ZMAT4: variants seen among roughly 807,000 people sequenced by gnomAD.
ZMAT4 encodes the protein zinc finger matrin-type 4.
ZMAT4 carries 17 observed loss-of-function variants against 28.7 expected under a neutral mutation model. The observed-to-expected ratio is 0.59, with a 90% confidence interval of 0.41 to 0.89. ZMAT4 has a LOEUF of 0.89. ZMAT4 is among the 40% of genes least tolerant of loss of function. The probability of loss-of-function intolerance (pLI) is 0.00; values close to 1 mark genes in which losing one functional copy is unlikely to be tolerated. For synonymous variants in ZMAT4, 117 were observed against 109.2 expected (o/e 1.07, Z -0.44); for missense variants, 240 against 283.8 (o/e 0.85, Z 1.11).
At chr8:40,723,612 T>C (rs1187330133) in intron 3 of ZMAT4, among the ~76,000 whole-genome samples, 4 of 151,068 alleles carry the variant, frequency 2.6e-5, no homozygotes, top group Non-Finnish European at 5.9e-5. Context: ...TTTAATTCTC[T>C]AAATTAATTC....
At chr8:40,586,351 AT>A (rs1416833622) in intron 5 of ZMAT4, among the ~76,000 whole-genome samples, 1 of 152,210 alleles carries the variant, frequency 6.6e-6, no homozygotes, top group Admixed American at 6.5e-5. Flanking sequence ...CCTAAAGGCT[AT>A]TTCTGCAGGA....
intron 5 of ZMAT4, among the ~76,000 whole-genome samples, chr8:40,584,709 C>T (rs891440223): frequency 6.6e-6 from 1 of 152,122 alleles, no homozygotes; most frequent in Non-Finnish European, 1.5e-5. Flanking sequence ...TGTCAGCTCA[C>T]TGCAACCTCC....
intron 2 of ZMAT4, among the ~76,000 whole-genome samples, chr8:40,814,161 T>C (rs116629217): frequency 6.6e-6 from 1 of 152,198 alleles, no homozygotes; most frequent in Non-Finnish European, 1.5e-5. Context: ...ATCATCTTAG[T>C]ATAGAAGACT....
At chr8:40,617,602 G>A (rs1806056157) in intron 5 of ZMAT4, among the ~76,000 whole-genome samples, 1 of 152,186 alleles carries the variant, frequency 6.6e-6, no homozygotes, top group African/African-American at 2.4e-5. Context: ...AGAAAATTAT[G>A]GATCAGTTGA....
At chr8:40,874,102 G>A (rs564220907) in intron 1 of ZMAT4, among the ~76,000 whole-genome samples, 1 of 152,300 alleles carries the variant, frequency 6.6e-6, no homozygotes, top group South Asian at 2.1e-4. Flanking sequence ...CTTCTTTTCT[G>A]TAACTTCCGC....
At chr8:40,823,706 CGTGTGTGTGTGT>C (rs960003810) in intron 2 of ZMAT4, among the ~76,000 whole-genome samples, 3 of 91,390 alleles carry the variant, frequency 3.3e-5, no homozygotes, top group African/African-American at 4.8e-5. Context: ...CACACACACA[CGTGTGTGTGTGT>C]GCGTGTGTGT....
intron 2 of ZMAT4, among the ~76,000 whole-genome samples, chr8:40,809,688 T>C (rs940296232): frequency 2.0e-5 from 3 of 152,160 alleles, no homozygotes; most frequent in Admixed American, 1.3e-4. Context: ...AATATAGAAA[T>C]TGGTTTAAAA....
intron 1 of ZMAT4, among the ~76,000 whole-genome samples, chr8:40,881,487 G>T (rs1473111917): frequency 8.2e-5 from 11 of 134,290 alleles, no homozygotes; most frequent in Non-Finnish European, 1.8e-4. Flanking sequence ...AAGAAAGAAA[G>T]AAAGAAAGAA....
chr8:40,848,053 G>T (rs1447069008), intron 1 of ZMAT4, among the ~76,000 whole-genome samples: 1 of 152,182 alleles, frequency 6.6e-6, no homozygotes, highest in African/African-American at 2.4e-5. Flanking sequence ...TTATCTGCTG[G>T]AACACTAGAT....
chr8:40,660,810 C>T (rs1033429695), intron 5 of ZMAT4, among the ~76,000 whole-genome samples: 2 of 152,162 alleles, frequency 1.3e-5, no homozygotes, highest in Non-Finnish European at 2.9e-5. Context: ...ACTGAATGAG[C>T]TCAGCTTTTG....
chr8:40,540,513 T>C (rs1802995927), intron 6 of ZMAT4, among the ~76,000 whole-genome samples: 2 of 152,140 alleles, frequency 1.3e-5, no homozygotes, highest in African/African-American at 4.8e-5. Flanking sequence ...CTTATATACA[T>C]CTTGTCATTT....
intron 2 of ZMAT4, among the ~76,000 whole-genome samples, chr8:40,810,105 C>CATACATAT: frequency 6.6e-6 from 1 of 151,998 alleles, no homozygotes; most frequent in African/African-American, 2.4e-5. Context: ...CATGCACACA[C>CATACATAT]ATACATATAT....
At position 40,581,888 on chromosome 8, in the gene ZMAT4, T is replaced by C. The variant is rs145330808; in HGVS notation, c.578-627A>G. ...GGGCCAGGTACTAGGGATTCCAAGA[T>C]GGATAAGATGCTCTTTGCTTTCAGA... On this transcript the variant is annotated intron_variant, in intron 5 of 6. Transcript: ENST00000297737. Among the ~76,000 whole-genome samples the C allele has an allele frequency of 7.4e-4, 112 of 152,322 alleles. 1 individual carries two copies. In the East Asian group the frequency reaches 0.021, roughly 29 times the overall value.
intron 3 of ZMAT4, among the ~76,000 whole-genome samples, chr8:40,729,627 G>T (rs58020662): frequency 2.9e-5 from 4 of 139,760 alleles, no homozygotes; most frequent in African/African-American, 1.1e-4. Context: ...AAGGAGTCTC[G>T]CTCTGTCACC....
chr8:40,536,941 A>G (rs1331184593), intron 6 of ZMAT4, among the ~76,000 whole-genome samples: 3 of 152,020 alleles, frequency 2.0e-5, no homozygotes, highest in African/African-American at 7.2e-5. Flanking sequence ...ATATGAGAGA[A>G]GGGGAAGAGG....
intron 6 of ZMAT4, among the ~76,000 whole-genome samples, chr8:40,539,320 C>A (rs189270830): frequency 2.0e-4 from 30 of 152,266 alleles, no homozygotes; most frequent in Admixed American, 4.6e-4. Flanking sequence ...TGGGAAGAAG[C>A]CTCACTCCCA....
intron 5 of ZMAT4, among the ~76,000 whole-genome samples, chr8:40,604,065 G>C (rs1805494838): frequency 6.6e-6 from 1 of 152,266 alleles, no homozygotes; most frequent in South Asian, 2.1e-4. Context: ...TGTGTACATT[G>C]ATTTTGTATC....
chr8:40,720,965 GTGTTTTGTT>G lies in ZMAT4; in HGVS notation c.193-23573_193-23565del, dbSNP rs1331482630. ...CTATTTTTTGTTTGTTTGTTTATTT[GTGTTTTGTT>G]TGTTTGTTTGTTTTTTATTATACTT... On this transcript the variant is annotated intron_variant, in intron 3 of 6. Transcript: ENST00000297737. 1.0e-3 allele frequency among the ~76,000 whole-genome samples: 141 copies of G among 138,710 alleles called. 2 individuals are homozygous for G. Among genetic ancestry groups the G allele is most frequent in the Non-Finnish European group, 5.0e-5 (3 of 60,078 alleles). 91.0% of individuals were successfully genotyped at this position (138,710 alleles called of 152,430 possible). A position where few individuals can be genotyped will look rare whatever the true frequency, so the allele number is the denominator to read the frequency against.
At chr8:40,848,713 G>A (rs1282890032) in intron 1 of ZMAT4, among the ~76,000 whole-genome samples, 1 of 152,128 alleles carries the variant, frequency 6.6e-6, no homozygotes, top group Non-Finnish European at 1.5e-5. Flanking sequence ...ATGGTTCTTG[G>A]TGCATAGTAG....
Sources: gnomAD v4.1 joint callset for allele counts (sites outside exome capture counted in the v4.1 genomes callset) on GRCh38, gnomAD v4.1.1 for gene constraint, MANE v1.5 for transcripts, NCBI Gene and HGNC (gene_info 2026-07-23, HGNC 2026-07-21) for gene names.